Variants in FGFR1 observed in about 807,000 individuals in gnomAD.
The protein encoded by FGFR1 is fibroblast growth factor receptor 1.
FGFR1 carries 18 observed loss-of-function variants against 93.7 expected under a neutral mutation model. That is an observed-to-expected ratio of 0.19 (90% confidence interval 0.13 to 0.28). The LOEUF is 0.28. Among genes scored for constraint, FGFR1 ranks in the 10% least tolerant of loss-of-function variants. The pLI is 1.00. For synonymous variants in FGFR1, 448 were observed against 429.3 expected, an observed-to-expected ratio of 1.04 and a Z score of -0.54; for missense variants, 731 against 1,080.4, an observed-to-expected ratio of 0.68 and a Z score of 4.53.
chr8:38,448,505 G>C (rs1024170005), intron 2 of FGFR1, among the ~76,000 whole-genome samples: 3 of 152,130 alleles, frequency 2.0e-5, no homozygotes, highest in Non-Finnish European at 4.4e-5. Flanking sequence ...GGGATTACAG[G>C]AGTGAGCCAC....
At chr8:38,428,470 T>C (rs775052299) in intron 3 of FGFR1, 35 bp from the exon 4 acceptor site, 2 of 1,537,344 alleles carry the variant, frequency 1.3e-6, no homozygotes, top group Non-Finnish European at 1.8e-6. Flanking sequence ...AGGTTCCTCC[T>C]AGGGACCCCT....
chr8:38,459,169 G>A (rs752447904), intron 1 of FGFR1, among the ~76,000 whole-genome samples: 7 of 152,272 alleles, frequency 4.6e-5, no homozygotes, highest in East Asian at 1.9e-4. Flanking sequence ...TCAAGGCTAC[G>A]TGGGGGTGAC....
In FGFR1 at chr8:38,426,531, C is replaced by T. The variant is rs945647380; in HGVS notation, c.622-286G>A. On this transcript the variant is annotated intron_variant, in intron 5 of 17. Transcript: ENST00000447712. This position sits in a 1 kb window ranked among gnomAD's most constrained non-coding sequence, Gnocchi z 4.1. Reference sequence around the variant, plus strand: ...CTTCTGCAAACACTCCCAAATACACCAAGAATGTTCCCAACTGTGCACCTC... The same window carrying T: ...CTTCTGCAAACACTCCCAAATACACTAAGAATGTTCCCAACTGTGCACCTC... Among the ~76,000 whole-genome samples the T allele has an allele frequency of 1.3e-5, 2 of 152,188 alleles. No individual in the cohort carries two copies. The highest frequency in any genetic ancestry group is 4.8e-5 in the African/African-American group (2 of 41,448).
chr8:38,466,006 G>GT lies in FGFR1; in HGVS notation c.-89+1974dup, dbSNP rs143176911. On this transcript the variant is annotated intron_variant, in intron 1 of 17. Transcript: ENST00000447712. ...TTTGAAAGAGGCTGGAAAGAAGCGG[G>GT]TAAGACACCGACTCTCCCCACCCTC... 7.5e-3 allele frequency: 1,718 copies of GT among 230,162 alleles called. 32 individuals carry two copies. Among genetic ancestry groups the GT allele is most frequent in the African/African-American group, 0.034 (1,539 of 45,240 alleles). 14.3% of individuals were successfully genotyped at this position (230,162 alleles called of 1,614,324 possible).
intron 2 of FGFR1, among the ~76,000 whole-genome samples, chr8:38,447,425 CTATGG>C (rs910916810): frequency 2.4e-4 from 37 of 152,208 alleles, no homozygotes; most frequent in South Asian, 4.2e-4. Context: ...AAACCTATGC[CTATGG>C]AATCATTGTA....
chr8:38,433,459 T>C (rs1351462993), intron 2 of FGFR1, among the ~76,000 whole-genome samples: 1 of 152,174 alleles, frequency 6.6e-6, no homozygotes, highest in African/African-American at 2.4e-5. Context: ...TACAGGCATA[T>C]GCCACAATGG....
intron 1 of FGFR1, 42 bp downstream of exon 1, chr8:38,467,939 A>G (rs889797333): frequency 4.6e-6 from 1 of 216,096 alleles, no homozygotes; most frequent in Non-Finnish European, 9.3e-6. Context: ...GCCGCTCGGG[A>G]CGCCAAGCCC....
At chr8:38,451,536 G>C (rs1315235995) in intron 2 of FGFR1, among the ~76,000 whole-genome samples, 2 of 152,142 alleles carry the variant, frequency 1.3e-5, no homozygotes, top group African/African-American at 4.8e-5. Context: ...ATAGGTGCAG[G>C]TTTCTGCAAA....
At chr8:38,450,639 C>T (rs1008566264) in intron 2 of FGFR1, among the ~76,000 whole-genome samples, 3 of 152,142 alleles carry the variant, frequency 2.0e-5, no homozygotes, top group Non-Finnish European at 2.9e-5. Flanking sequence ...CCTGCTGACC[C>T]GACTCCAGGT....
rs121909639 is a variant in FGFR1 at position 38,415,899 on chromosome 8, G to A, written c.1825C>T (p.Arg609Ter). Residue 609 changes from arginine to a stop codon, truncating the protein, a stop_gained, in exon 13 of 18, where the codon CGA (arginine) becomes TGA (stop). Transcript: ENST00000447712. LOFTEE classifies it high-confidence loss of function. The part of the protein sequence containing the change: ...DLVSCAYQVA[R>*]GMEYLASKKC... ...TTGGAGGCCAGATACTCCATGCCTC[G>A]GGCCACCTGGTAGGCGCAGGACACC... 6.2e-7 allele frequency: 1 copy of A among 1,613,856 alleles called. No individual in the cohort carries two copies.
intron 1 of FGFR1, among the ~76,000 whole-genome samples, chr8:38,459,220 G>C (rs1333527164): frequency 1.3e-5 from 2 of 152,124 alleles, no homozygotes; most frequent in African/African-American, 2.4e-5. Context: ...AAATGCTCCA[G>C]GGAGCCATCC....
chr8:38,418,055 C>T (rs1817351542), intron 10 of FGFR1, 64 bp from the exon 11 acceptor site: 2 of 1,611,254 alleles, frequency 1.2e-6, no homozygotes, highest in Non-Finnish European at 1.7e-6. Flanking sequence ...TGAGAGGCAC[C>T]CCATCTCCAC....
At chr8:38,458,921 G>A (rs919548218) in intron 1 of FGFR1, 8 of 219,122 alleles carry the variant, frequency 3.7e-5, no homozygotes, top group Non-Finnish European at 7.3e-5. Flanking sequence ...GATGTCTGAC[G>A]GATATGAGTC....
intron 2 of FGFR1, chr8:38,440,257 A>C: frequency 6.5e-7 from 1 of 1,539,770 alleles, no homozygotes; most frequent in Non-Finnish European, 8.8e-7. Context: ...CCCTCTGCAG[A>C]GGTTTTTTTA....
At chr8:38,461,077 A>T (rs1834289829) in intron 1 of FGFR1, 1 of 1,535,878 alleles carries the variant, frequency 6.5e-7, no homozygotes, top group Admixed American at 2.0e-5. Flanking sequence ...CACTCATCAG[A>T]GGGGGCTGAA....
Position 38,418,502 on chromosome 8 carries a change from C to G in FGFR1, c.1285-129G>C, listed in dbSNP as rs948964063. On this transcript the variant is annotated intron_variant, in intron 9 of 17. Coordinates refer to ENST00000447712, the MANE Select transcript of FGFR1 (RefSeq NM_023110.3). ...TGTATCTGATGTTCTTTCCTCAACACAGAGTGGTCCAAAGACCATGGTAGG... is the reference window on the plus strand; with the variant it reads ...TGTATCTGATGTTCTTTCCTCAACAGAGAGTGGTCCAAAGACCATGGTAGG... 3.3e-5 allele frequency: 39 copies of G among 1,174,842 alleles called. No individual in the cohort carries two copies. The Admixed American group carries it at 7.6e-4, about 23-fold the overall frequency. 72.8% of individuals were successfully genotyped at this position (1,174,842 alleles called of 1,614,324 possible). A position where few individuals can be genotyped will look rare whatever the true frequency, so the allele number is the denominator to read the frequency against.
rs2150753115 is a variant in FGFR1 at position 38,421,822 on chromosome 8, G to C, written c.1056C>G (p.His352Gln). 1.2e-6 allele frequency: 2 copies of C among 1,614,158 alleles called. No homozygotes were observed. Among genetic ancestry groups the C allele is most frequent in the Non-Finnish European group, 1.7e-6 (2 of 1,180,026 alleles). The change falls in exon 8 of 18, where the codon CAC becomes CAG. Residue 352 changes from histidine to glutamine, a missense_variant. Around this residue, in one of 10 missense-constraint regions of FGFR1, gnomAD observed 146 missense variants for 173.0 expected, o/e 0.84. Coordinates refer to ENST00000447712, the MANE Select transcript of FGFR1 (RefSeq NM_023110.3). ...CTTCCAGAACGGTCAACCATGCAGA[G>C]TGATGGGAGAGTCCGATAGAGTTAC... ...LAGNSIGLSH[H>Q]SAWLTVLEAL...
At chr8:38,457,844 G>T (rs533698383) in intron 1 of FGFR1, among the ~76,000 whole-genome samples, 1 of 152,104 alleles carries the variant, frequency 6.6e-6, no homozygotes, top group African/African-American at 2.4e-5. Flanking sequence ...TTACCCAGGC[G>T]TGGTGGCGCG....
At position 38,468,556 on chromosome 8, in the gene FGFR1, G is replaced by A. The variant is rs1836011332; in HGVS notation, c.-664C>T. 2 of 228,842 alleles carry A rather than the reference G, an allele frequency of 8.7e-6. No individual in the cohort carries two copies. Among genetic ancestry groups the A allele is most frequent in the Non-Finnish European group, 1.7e-5 (2 of 115,058 alleles). The allele number at this position is 228,842 out of a possible 1,614,324, so 14.2% of individuals were successfully genotyped here. A position where few individuals can be genotyped will look rare whatever the true frequency, so the allele number is the denominator to read the frequency against. ...TTCCTCCGCGCGCTGCGGCTGCACCGGCGTCCCGGCTCCCGCTAGCTGCCG... is the reference window on the plus strand; with the variant it reads ...TTCCTCCGCGCGCTGCGGCTGCACCAGCGTCCCGGCTCCCGCTAGCTGCCG... On this transcript the variant is annotated 5_prime_UTR_variant, in exon 1 of 18. Coordinates refer to ENST00000447712, the MANE Select transcript of FGFR1 (RefSeq NM_023110.3).
Sources: allele counts gnomAD v4.1 joint callset (sites outside exome capture counted in the v4.1 genomes callset), GRCh38; gene constraint gnomAD v4.1.1; regional missense constraint gnomAD v4.1.1; non-coding constraint Gnocchi (gnomAD v3.1); transcripts MANE v1.5; gene names NCBI Gene and HGNC (gene_info 2026-07-23, HGNC 2026-07-21).